The following CCDC88C variants were observed in gnomAD, a reference collection of about 807,000 sequenced individuals.
CCDC88C encodes the protein coiled-coil and HOOK domain protein 88C.
In CCDC88C, 131 loss-of-function variants were observed where a neutral mutation model predicts 198.8. The ratio of observed to expected loss-of-function variants is 0.66; its 90% confidence interval spans 0.57 to 0.76. The LOEUF is 0.76. Ranked by LOEUF, CCDC88C falls within the 30% of genes least tolerant of loss-of-function variation. The pLI is 0.00. For synonymous variants in CCDC88C, 1,166 were observed against 1,114.7 expected, an observed-to-expected ratio of 1.05 and a Z score of -0.92; for missense variants, 2,553 against 2,631.6, an observed-to-expected ratio of 0.97 and a Z score of 0.65.
chr14:91,379,103 G>A (rs1411727881), intron 3 of CCDC88C: 1 of 152,268 alleles, frequency 6.6e-6, no homozygotes, highest in Non-Finnish European at 1.5e-5. Flanking sequence ...ACCAGCAGCT[G>A]AGGAAAAGCA....
chr14:91,290,647 A>T lies in CCDC88C; in HGVS notation c.4202+348T>A, dbSNP rs143036305. On this transcript the variant is annotated intron_variant, in intron 24 of 29. Coordinates refer to ENST00000389857, the MANE Select transcript of CCDC88C (RefSeq NM_001080414.4). ...GCCCAAGCATCCTCTCCAAAATAGGAACATGGGTGTCCAGGTCATGTTTAA... is the reference window on the plus strand; with the variant it reads ...GCCCAAGCATCCTCTCCAAAATAGGTACATGGGTGTCCAGGTCATGTTTAA... Among the ~76,000 whole-genome samples the T allele has an allele frequency of 1.7e-3, 259 of 152,346 alleles. 3 individuals are homozygous for T. The East Asian group carries it at 0.045, about 27-fold the overall frequency.
chr14:91,283,301 C>T (rs1420337130), intron 26 of CCDC88C, 28 bp downstream of exon 26: 2 of 1,607,800 alleles, frequency 1.2e-6, no homozygotes, highest in Admixed American at 3.4e-5. Context: ...GCCCGACGCT[C>T]ATGGCTCTGG....
chr14:91,404,358 G>C (rs1467333851), intron 3 of CCDC88C, among the ~76,000 whole-genome samples: 5 of 152,216 alleles, frequency 3.3e-5, no homozygotes, highest in African/African-American at 1.2e-4. Context: ...TGATGGAGAA[G>C]GGTCACCTGG....
At chr14:91,350,596 TC>T (rs1257520761) in intron 4 of CCDC88C, among the ~76,000 whole-genome samples, 1 of 152,158 alleles carries the variant, frequency 6.6e-6, no homozygotes, top group Non-Finnish European at 1.5e-5. Context: ...CTGCACACTC[TC>T]TGCCCTTGCT....
At chr14:91,365,555 G>A (rs1285812) in intron 3 of CCDC88C, among the ~76,000 whole-genome samples, 123,276 of 152,188 alleles carry the variant, frequency 0.81, 50,399 homozygotes, top group Middle Eastern at 0.84. Context: ...AACCACGTTC[G>A]CCACGGGCTC....
intron 12 of CCDC88C, among the ~76,000 whole-genome samples, chr14:91,322,322 G>A (rs1892390753): frequency 6.6e-6 from 1 of 152,278 alleles, no homozygotes; most frequent in Middle Eastern, 3.4e-3. Context: ...ACAGCATCTC[G>A]TTTCCCTCTG....
rs1891199603 is a variant in CCDC88C, at chr14:91,300,042, C to T, written c.3664G>A (p.Glu1222Lys). Residue 1222 changes from glutamate to lysine, a missense_variant, in exon 21 of 30, where the codon GAG becomes AAG. By Grantham distance (56) the Glu-to-Lys change is moderately conservative. Transcript: ENST00000389857. ...AAGACCTTCTCCCGCTCCTCCAGCT[C>T]CGCCTTGCGCTTCAGCATGTCACCG... is the stretch of plus-strand genomic sequence containing the variant. ...RHGDMLKRKAELEEREKVLTT... is the reference protein window; with the variant it reads ...RHGDMLKRKAKLEEREKVLTT... 1.2e-6 allele frequency: 2 copies of T among 1,607,574 alleles called. No homozygotes were observed. Among genetic ancestry groups the T allele is most frequent in the African/African-American group, 2.7e-5 (2 of 74,834 alleles).
intron 3 of CCDC88C, among the ~76,000 whole-genome samples, chr14:91,378,156 T>C (rs1243213374): frequency 2.0e-5 from 3 of 152,260 alleles, no homozygotes; most frequent in Non-Finnish European, 4.4e-5. Context: ...AAGGCAATAA[T>C]TGTGTGACAC....
At chr14:91,394,692 T>C (rs1220522497) in intron 3 of CCDC88C, among the ~76,000 whole-genome samples, 1 of 152,238 alleles carries the variant, frequency 6.6e-6, no homozygotes, top group East Asian at 1.9e-4. Context: ...AGGAATTCTA[T>C]TGCTGGTGAG....
At chr14:91,301,287 G>A (rs1342339361) in intron 20 of CCDC88C, among the ~76,000 whole-genome samples, 29 of 152,144 alleles carry the variant, frequency 1.9e-4, no homozygotes, top group Admixed American at 1.8e-3. Context: ...ACACAGCAAG[G>A]GAGCCTCCAG....
At chr14:91,300,792 A>C (rs186977829) in intron 20 of CCDC88C, among the ~76,000 whole-genome samples, 2 of 152,240 alleles carry the variant, frequency 1.3e-5, no homozygotes, top group East Asian at 3.9e-4. Context: ...ATGTAGCCCC[A>C]TAGGTCCCGG....
At chr14:91,335,279 C>A (rs78208048) in intron 10 of CCDC88C, among the ~76,000 whole-genome samples, 4,907 of 152,268 alleles carry the variant, frequency 0.032, 296 homozygotes, top group African/African-American at 0.11. Context: ...CCCCACGCCA[C>A]CCGCCTCGTG....
intron 2 of CCDC88C, among the ~76,000 whole-genome samples, chr14:91,414,971 C>T (rs887700292): frequency 6.6e-6 from 1 of 152,158 alleles, no homozygotes; most frequent in African/African-American, 2.4e-5. Context: ...GATTTACAAG[C>T]AAGTGGGAAA....
In CCDC88C at chr14:91,392,108, C is replaced by T. The variant is rs564177086; in HGVS notation, c.270+16551G>A. Among the ~76,000 whole-genome samples the T allele has an allele frequency of 5.3e-5, 8 of 152,268 alleles. No homozygotes were observed. The South Asian group carries it at 1.7e-3, about 32-fold the overall frequency. ...GCCTCTGGGGCCTCCAGGGTAGCAG[C>T]TCCCATGGCCACCATGACAGCTGCT... On this transcript the variant is annotated intron_variant, in intron 3 of 29. Coordinates refer to ENST00000389857, the MANE Select transcript of CCDC88C (RefSeq NM_001080414.4).
Position 91,371,400 on chromosome 14 carries a change from C to T in CCDC88C, c.271-11689G>A, listed in dbSNP as rs895734753. Among the ~76,000 whole-genome samples, 29 of 152,166 alleles carry T rather than the reference C, an allele frequency of 1.9e-4. No homozygotes were observed. The highest frequency in any genetic ancestry group is 6.5e-4 in the African/African-American group (27 of 41,492). Reference sequence around the variant, plus strand: ...GGTGGGCTGGGACAGGCATGACCCCCCCAGCCAGAATGAGTGTAGTGGTCC... The same window carrying T: ...GGTGGGCTGGGACAGGCATGACCCCTCCAGCCAGAATGAGTGTAGTGGTCC... On this transcript the variant is annotated intron_variant, in intron 3 of 29. Transcript: ENST00000389857. This position sits in a 1 kb window ranked among gnomAD's most constrained non-coding sequence, Gnocchi z 4.2.
At position 91,335,134 on chromosome 14, in the gene CCDC88C, A is replaced by C. The variant is rs562733813; in HGVS notation, c.1050+2871T>G. Among the ~76,000 whole-genome samples, 6 of 152,234 alleles carry C rather than the reference A, an allele frequency of 3.9e-5. No individual in the cohort carries two copies. The South Asian group carries it at 1.2e-3, about 32-fold the overall frequency. ...TGCTCTACATGCTGAGAACATGCCC[A>C]TGAAGACACAAACCAAACTCCTGGG... On this transcript the variant is annotated intron_variant, in intron 10 of 29. Transcript: ENST00000389857.
At chr14:91,329,443 C>T (rs1364511052) in intron 10 of CCDC88C, among the ~76,000 whole-genome samples, 3 of 152,182 alleles carry the variant, frequency 2.0e-5, no homozygotes, top group Admixed American at 6.5e-5. Flanking sequence ...GGGGCCCTTC[C>T]TCAGGCCTCC....
In CCDC88C at chr14:91,381,481, G is replaced by A. The variant is rs896046568; in HGVS notation, c.271-21770C>T. Among the ~76,000 whole-genome samples the A allele has an allele frequency of 3.9e-5, 6 of 152,200 alleles. No individual in the cohort carries two copies. Among genetic ancestry groups the A allele is most frequent in the Non-Finnish European group, 1.5e-5 (1 of 68,042 alleles). ...ACTTGACCCAAGAAGAGAGCAGGCA[G>A]CAACACTTTCTGCCCCAGGTGGCCC... On this transcript the variant is annotated intron_variant, in intron 3 of 29. Transcript: ENST00000389857. The surrounding 1 kb of genome is among the most constrained non-coding windows in gnomAD (Gnocchi z 4.2).
rs116052074 is a variant in CCDC88C, at chr14:91,351,223, A to G, written c.341-7566T>C. ...TCTTCTGGCTTACATGCTGGTGTGA[A>G]CCACTAACTGCTTTCCCTGGTTTTG... On this transcript the variant is annotated intron_variant, in intron 4 of 29. Transcript: ENST00000389857. Among the ~76,000 whole-genome samples, 750 of 152,230 alleles carry G rather than the reference A, an allele frequency of 4.9e-3. 6 individuals are homozygous for G. Among genetic ancestry groups the G allele is most frequent in the African/African-American group, 0.017 (710 of 41,508 alleles).
Sources: gnomAD v4.1 joint callset for allele counts (sites outside exome capture counted in the v4.1 genomes callset) on GRCh38, gnomAD v4.1.1 for gene constraint, Gnocchi (gnomAD v3.1) non-coding constraint, MANE v1.5 for transcripts, NCBI Gene and HGNC (gene_info 2026-07-23, HGNC 2026-07-21) for gene names.